The following DPYS variants were observed in gnomAD, a reference collection of about 807,000 sequenced individuals.
DPYS encodes dihydropyrimidinase, also known as dihydropyrimidine amidohydrolase.
DPYS carries 39 observed loss-of-function variants against 50.3 expected under a neutral mutation model. The observed-to-expected ratio is 0.78, with a 90% CI of 0.60 to 1.01. DPYS has a LOEUF of 1.01. Ranked by LOEUF, DPYS falls within the 50% of genes least tolerant of loss-of-function variation. The probability of loss-of-function intolerance (pLI) is 0.00; values close to 1 mark genes in which losing one functional copy is unlikely to be tolerated. For synonymous variants in DPYS, 245 were observed against 250.7 expected (o/e 0.98, Z 0.22); for missense variants, 659 against 680.9 (o/e 0.97, Z 0.36).
intron 9 of DPYS, among the ~76,000 whole-genome samples, chr8:104,380,268 A>G (rs896471592): frequency 3.9e-5 from 6 of 152,236 alleles, no homozygotes; most frequent in Non-Finnish European, 7.3e-5. Context: ...CTGAATATGT[A>G]GAAAACCAGA....
intron 1 of DPYS, among the ~76,000 whole-genome samples, chr8:104,456,099 T>C (rs1004724461): frequency 6.6e-5 from 10 of 152,108 alleles, no homozygotes; most frequent in Non-Finnish European, 1.5e-4. Context: ...TCATTGCCTA[T>C]GGTATTCAGT....
At chr8:104,428,856 A>G (rs1330453930) in intron 5 of DPYS, among the ~76,000 whole-genome samples, 2 of 150,230 alleles carry the variant, frequency 1.3e-5, no homozygotes, top group Non-Finnish European at 3.0e-5. Context: ...TTCGAGACAG[A>G]GTCTTGCTCT....
chr8:104,432,234 T>C (rs2140658253), intron 4 of DPYS, among the ~76,000 whole-genome samples: 1 of 152,334 alleles, frequency 6.6e-6, no homozygotes, highest in East Asian at 1.9e-4. Flanking sequence ...AAACAAAAGA[T>C]TCTGCCCTTT....
At chr8:104,388,298 ATG>A (rs578110118) in intron 8 of DPYS, among the ~76,000 whole-genome samples, 13 of 152,214 alleles carry the variant, frequency 8.5e-5, no homozygotes, top group Non-Finnish European at 1.8e-4. Flanking sequence ...ACATCACTCC[ATG>A]AAGCTATTCC....
At chr8:104,421,967 A>G (rs1275396300) in intron 7 of DPYS, among the ~76,000 whole-genome samples, 7 of 152,200 alleles carry the variant, frequency 4.6e-5, no homozygotes, top group African/African-American at 1.7e-4. Flanking sequence ...AATATCCTCC[A>G]AGCAGCAATA....
intron 8 of DPYS, among the ~76,000 whole-genome samples, chr8:104,390,705 C>T (rs933886548): frequency 2.0e-5 from 3 of 152,078 alleles, no homozygotes; most frequent in Admixed American, 6.6e-5. Context: ...TGCCATGTTG[C>T]CCAGGCTGGT....
At chr8:104,419,065 G>A in intron 7 of DPYS, 1 of 985,328 alleles carries the variant, frequency 1.0e-6, no homozygotes, top group Non-Finnish European at 1.2e-6. Context: ...AAAAAATGAA[G>A]GGGCACTTAA....
chr8:104,406,259 G>A (rs1403943125), intron 7 of DPYS, among the ~76,000 whole-genome samples: 1 of 152,186 alleles, frequency 6.6e-6, no homozygotes, highest in Non-Finnish European at 1.5e-5. Context: ...TTCCAGATGT[G>A]TGAACCGGGA....
At chr8:104,410,667 A>T (rs1034644202) in intron 7 of DPYS, among the ~76,000 whole-genome samples, 3 of 152,066 alleles carry the variant, frequency 2.0e-5, no homozygotes, top group Admixed American at 2.0e-4. Context: ...ACAGATTTGG[A>T]TCAACTCAAA....
At chr8:104,418,069 T>A (rs935909731) in intron 7 of DPYS, among the ~76,000 whole-genome samples, 1 of 152,240 alleles carries the variant, frequency 6.6e-6, no homozygotes, top group African/African-American at 2.4e-5. Context: ...ACAAGAATTT[T>A]AAAAACGAAA....
At position 104,466,830 on chromosome 8, in the gene DPYS, C is replaced by T. The variant is rs1236883950; in HGVS notation, c.91G>A (p.Val31Met). The change falls in exon 1 of 10, where the codon GTG (valine) becomes ATG (methionine). Residue 31 changes from valine (V) to methionine (M), a missense_variant. Val to Met is a conservative substitution (Grantham distance 21, BLOSUM62 1). Coordinates refer to ENST00000351513, the MANE Select transcript of DPYS (RefSeq NM_001385.3). The stretch of plus-strand genomic sequence containing the variant: ...AGGTCGTGCCCGAGTGCCCGCACCA[C>T]GCCGTCCTCCACCAGCACGTCGGCC... ...EVADVLVEDG[V>M]VRALGHDLLP... 14 of 1,533,276 alleles carry T rather than the reference C, an allele frequency of 9.1e-6. No homozygotes were observed. The Admixed American group carries it at 2.6e-4, about 28-fold the overall frequency. 95.0% of individuals were successfully genotyped at this position (1,533,276 alleles called of 1,614,324 possible). A position where few individuals can be genotyped will look rare whatever the true frequency, so the allele number is the denominator to read the frequency against.
At chr8:104,462,957 C>T (rs1405524536) in intron 1 of DPYS, among the ~76,000 whole-genome samples, 1 of 152,192 alleles carries the variant, frequency 6.6e-6, no homozygotes, top group Non-Finnish European at 1.5e-5. Flanking sequence ...AGGCTTTAAA[C>T]CAATCTCTGA....
Position 104,447,466 on chromosome 8 carries a change from C to T in DPYS, c.461G>A (p.Gly154Asp), listed in dbSNP as rs781328295. The T allele has an allele frequency of 1.2e-6, 2 of 1,614,050 alleles. No homozygotes were observed. Among genetic ancestry groups the T allele is most frequent in the South Asian group, 2.2e-5 (2 of 91,072 alleles). ...EEMKILVQDK[G>D]VNSFKMFMAY... is the part of the protein sequence containing the mutation. Reference sequence around the variant, plus strand: ...CATAAACATCTTGAAAGAGTTAACACCTTTATCTTGCACAAGGATTTTCAT... The same window carrying T: ...CATAAACATCTTGAAAGAGTTAACATCTTTATCTTGCACAAGGATTTTCAT... Residue 154 changes from glycine to aspartate, a missense_variant, in exon 3 of 10, where the codon GGT (glycine) becomes GAT (aspartate). By Grantham distance (94) the Gly-to-Asp change is moderately conservative. Transcript: ENST00000351513.
At position 104,379,636 on chromosome 8, in the gene DPYS, A is replaced by G. The variant is rs1564074309; in HGVS notation, c.*222T>C. The G allele has an allele frequency of 3.8e-6, 1 of 261,250 alleles. No homozygotes were observed. The highest frequency in any genetic ancestry group is 7.9e-6 in the Non-Finnish European group (1 of 127,098). 16.2% of individuals were successfully genotyped at this position (261,250 alleles called of 1,614,324 possible). On this transcript the variant is annotated 3_prime_UTR_variant, in exon 10 of 10. Coordinates refer to ENST00000351513, the MANE Select transcript of DPYS (RefSeq NM_001385.3). ...ATTTCCACACAGCCTTTCCATCACA[A>G]TAATATAAATTTATACCTTCAATCT...
At chr8:104,428,240 T>A (rs1187096824) in intron 5 of DPYS, 119 bp from the exon 6 acceptor site, 3 of 1,336,882 alleles carry the variant, frequency 2.2e-6, no homozygotes, top group East Asian at 4.7e-5. Context: ...AAAAATCCAA[T>A]GGAGAATGAG....
chr8:104,428,848 C>T (rs1180970711), intron 5 of DPYS, among the ~76,000 whole-genome samples: 9 of 100,158 alleles, frequency 9.0e-5, no homozygotes, highest in Non-Finnish European at 1.3e-4. Context: ...TTTTTTTTTT[C>T]GAGACAGAGT....
rs375421148 is a variant in DPYS, at chr8:104,447,968, G to A, written c.424-465C>T. On this transcript the variant is annotated intron_variant, in intron 2 of 9. Coordinates refer to ENST00000351513, the MANE Select transcript of DPYS (RefSeq NM_001385.3). ...GAAAGTAGAAGATGCAGATGGACCC[G>A]GGCATGCCCAAGAAAGCACAAACTC... 2.0e-5 allele frequency among the ~76,000 whole-genome samples: 3 copies of A among 152,072 alleles called. No homozygotes were observed. The East Asian group carries it at 5.8e-4, about 29-fold the overall frequency.
intron 6 of DPYS, among the ~76,000 whole-genome samples, chr8:104,425,926 A>G (rs1003148064): frequency 1.3e-5 from 2 of 152,212 alleles, no homozygotes; most frequent in Non-Finnish European, 1.5e-5. Flanking sequence ...TCATAAAATG[A>G]CATGGTTTTC....
chr8:104,445,938 G>A (rs1021551632), intron 3 of DPYS, among the ~76,000 whole-genome samples: 1 of 152,074 alleles, frequency 6.6e-6, no homozygotes, highest in Non-Finnish European at 1.5e-5. Context: ...CCAGCTACTC[G>A]GGAGGCTGAG....
Sources: allele counts gnomAD v4.1 joint callset (sites outside exome capture counted in the v4.1 genomes callset), GRCh38; gene constraint gnomAD v4.1.1; transcripts MANE v1.5; gene names NCBI Gene and HGNC (gene_info 2026-07-23, HGNC 2026-07-21).